SCCPDH: variants seen among roughly 807,000 people sequenced by gnomAD.
SCCPDH encodes the protein saccharopine dehydrogenase (putative).
SCCPDH carries 34 observed loss-of-function variants against 51.5 expected under a neutral mutation model. The observed-to-expected ratio is 0.66, with a 90% CI of 0.50 to 0.88. The LOEUF is 0.88. Ranked by LOEUF, SCCPDH falls within the 40% of genes least tolerant of loss-of-function variation. The pLI is 0.00. For synonymous variants in SCCPDH, 187 were observed against 191.3 expected, an observed-to-expected ratio of 0.98 and a Z score of 0.19; for missense variants, 464 against 527.1, an observed-to-expected ratio of 0.88 and a Z score of 1.17.
chr1:246,755,751 T>G (rs928644807), intron 5 of SCCPDH: 1 of 153,106 alleles, frequency 6.5e-6, no homozygotes, highest in Admixed American at 6.5e-5. Flanking sequence ...ACCTTCAGTT[T>G]TAAGAAGAGC....
intron 2 of SCCPDH, among the ~76,000 whole-genome samples, chr1:246,730,797 G>A (rs1668480577): frequency 6.6e-6 from 1 of 152,218 alleles, no homozygotes. Flanking sequence ...GGTGGGTCAT[G>A]CCTGGAATCC....
chr1:246,764,235 C>T lies in SCCPDH; in HGVS notation c.991-11C>T, dbSNP rs1159231061. The T allele has an allele frequency of 2.5e-6, 4 of 1,584,268 alleles. No homozygotes were observed. Among genetic ancestry groups the T allele is most frequent in the East Asian group, 2.2e-5 (1 of 44,706 alleles). ...ATTTATGAAATGCGCCCTTTGCCTTCTCCTTCACAGATTGATGCTGCCTCA... is the reference window on the plus strand; with the variant it reads ...ATTTATGAAATGCGCCCTTTGCCTTTTCCTTCACAGATTGATGCTGCCTCA... On this transcript the variant is annotated splice_polypyrimidine_tract_variant and intron_variant, in intron 9 of 11. Transcript: ENST00000366510.
At position 246,742,829 on chromosome 1, in the gene SCCPDH, A is replaced by G. The variant is rs185384444; in HGVS notation, c.515-1247A>G. On this transcript the variant is annotated intron_variant, in intron 4 of 11. Transcript: ENST00000366510. ...CCCATTATATTTTTCTTTTGCCTCA[A>G]TGTTCTTGAGAAACTCAATAATTAA... is the stretch of plus-strand genomic sequence containing the variant. 5.9e-5 allele frequency among the ~76,000 whole-genome samples: 9 copies of G among 152,300 alleles called. No individual in the cohort carries two copies. The East Asian group carries it at 9.6e-4, about 16-fold the overall frequency.
chr1:246,758,454 A>T, intron 6 of SCCPDH, 98 bp downstream of exon 6: 1 of 813,098 alleles, frequency 1.2e-6, no homozygotes, highest in Non-Finnish European at 1.8e-6. Context: ...AAGCTTGGAG[A>T]CTAATTTGTA....
Position 246,750,857 on chromosome 1 carries a change from C to T in SCCPDH, c.564+6732C>T, listed in dbSNP as rs139214615. On this transcript the variant is annotated intron_variant, in intron 5 of 11. Coordinates refer to ENST00000366510, the MANE Select transcript of SCCPDH (RefSeq NM_016002.3). ...TGGCCTTAAGCCTGGACTCCTTCCCCCAAGGGGTAATCTTTTTATAGTTTG... is the reference window on the plus strand; with the variant it reads ...TGGCCTTAAGCCTGGACTCCTTCCCTCAAGGGGTAATCTTTTTATAGTTTG... 5.1e-3 allele frequency among the ~76,000 whole-genome samples: 782 copies of T among 152,314 alleles called. 6 individuals are homozygous for T. Among genetic ancestry groups the T allele is most frequent in the African/African-American group, 0.018 (737 of 41,564 alleles).
In SCCPDH at chr1:246,757,309, A is replaced by T. The variant is rs577850705; in HGVS notation, c.565-917A>T. 9.0e-5 allele frequency among the ~76,000 whole-genome samples: 12 copies of T among 133,270 alleles called. No homozygotes were observed. The East Asian group carries it at 2.7e-3, about 30-fold the overall frequency. The allele number at this position is 133,270 out of a possible 152,430, so 87.4% of individuals were successfully genotyped here. A position where few individuals can be genotyped will look rare whatever the true frequency, so the allele number is the denominator to read the frequency against. The stretch of plus-strand genomic sequence containing the variant: ...CAGTGAGCTGAGATCGTGCCATTGC[A>T]CTCCCGTCTGGGTGACAAGAGCAAG... On this transcript the variant is annotated intron_variant, in intron 5 of 11. Coordinates refer to ENST00000366510, the MANE Select transcript of SCCPDH (RefSeq NM_016002.3).
At chr1:246,740,359 GT>G in intron 4 of SCCPDH, 58 bp downstream of exon 4, 1 of 1,404,650 alleles carries the variant, frequency 7.1e-7, no homozygotes, top group Admixed American at 2.2e-5. Flanking sequence ...AAGGCTTCAT[GT>G]TTCTAACTGT....
At position 246,724,610 on chromosome 1, in the gene SCCPDH, T is replaced by C; in HGVS notation, c.188T>C (p.Leu63Pro). 1.3e-6 allele frequency: 2 copies of C among 1,492,292 alleles called. No homozygotes were observed. Among genetic ancestry groups the C allele is most frequent in the Non-Finnish European group, 8.9e-7 (1 of 1,126,322 alleles). 92.4% of individuals were successfully genotyped at this position (1,492,292 alleles called of 1,614,324 possible). A position where few individuals can be genotyped will look rare whatever the true frequency, so the allele number is the denominator to read the frequency against. Reference sequence around the variant, plus strand: ...GTGCTGGAGAAGGCGGCCCTGAAGCTGGGTACAGCGGCGGGGCGGGACGGG... The same window carrying C: ...GTGCTGGAGAAGGCGGCCCTGAAGCCGGGTACAGCGGCGGGGCGGGACGGG... ...QRVLEKAALK[L>P]GRPTLSSEVG... The change falls in exon 1 of 12, where the codon CTG (leucine) becomes CCG (proline). Residue 63 changes from leucine to proline, a missense_variant and splice_region_variant. Physicochemically the swap from Leu to Pro is moderately conservative, Grantham distance 98. Coordinates refer to ENST00000366510, the MANE Select transcript of SCCPDH (RefSeq NM_016002.3).
chr1:246,736,504 A>G (rs943496436), intron 3 of SCCPDH, among the ~76,000 whole-genome samples: 1 of 152,086 alleles, frequency 6.6e-6, no homozygotes, highest in Admixed American at 6.5e-5. Flanking sequence ...GATCGAGACC[A>G]TCCTGGCCAA....
chr1:246,724,494 C>G lies in SCCPDH; in HGVS notation c.72C>G (p.Thr24=). ...CTGGCTTCACCGGCCAGTTCGTGAC[C>G]GAGGAGGTGGCCCGGGAGCAGGTGG... ...GASGFTGQFV[T]EEVAREQVDP... is the part of the protein sequence containing the mutation. Residue 24 remains threonine (T), a synonymous_variant, in exon 1 of 12, where the codon ACC becomes ACG. Transcript: ENST00000366510. 4 of 1,581,416 alleles carry G rather than the reference C, an allele frequency of 2.5e-6. No homozygotes were observed. The highest frequency in any genetic ancestry group is 3.4e-6 in the Non-Finnish European group (4 of 1,167,112).
intron 2 of SCCPDH, among the ~76,000 whole-genome samples, chr1:246,730,645 A>G (rs1668478886): frequency 6.6e-6 from 1 of 152,232 alleles, no homozygotes; most frequent in Non-Finnish European, 1.5e-5. Context: ...CGTTAACGGA[A>G]CGTCATGTTT....
intron 1 of SCCPDH, among the ~76,000 whole-genome samples, chr1:246,725,041 T>G (rs985686879): frequency 5.3e-5 from 8 of 152,166 alleles, no homozygotes; most frequent in Non-Finnish European, 8.8e-5. Context: ...GATCGGAGTC[T>G]CCCTTTGCCT....
At chr1:246,730,224 A>G (rs1558166223) in intron 2 of SCCPDH, among the ~76,000 whole-genome samples, 1 of 152,250 alleles carries the variant, frequency 6.6e-6, no homozygotes, top group African/African-American at 2.4e-5. Context: ...CTACTCTGCT[A>G]AAGTCCCACC....
intron 5 of SCCPDH, among the ~76,000 whole-genome samples, chr1:246,750,931 C>T (rs919169748): frequency 6.6e-6 from 1 of 152,140 alleles, no homozygotes; most frequent in Non-Finnish European, 1.5e-5. Flanking sequence ...CCCGTTTGGC[C>T]GGGGTATAAA....
intron 5 of SCCPDH, among the ~76,000 whole-genome samples, chr1:246,751,955 A>G (rs1452796532): frequency 7.2e-6 from 1 of 139,350 alleles, no homozygotes; most frequent in Non-Finnish European, 1.6e-5. Context: ...TTTTTTTTGT[A>G]TTTTTTTAGT....
chr1:246,726,309 C>T (rs1253657035), intron 1 of SCCPDH, among the ~76,000 whole-genome samples: 1 of 152,078 alleles, frequency 6.6e-6, no homozygotes, highest in African/African-American at 2.4e-5. Context: ...GTGATCACAG[C>T]TCACTGCAGC....
At chr1:246,738,522 C>A (rs191135251) in intron 3 of SCCPDH, among the ~76,000 whole-genome samples, 11 of 148,570 alleles carry the variant, frequency 7.4e-5, no homozygotes, top group Non-Finnish European at 1.5e-4. Context: ...AAAAAAAAAA[C>A]CCAGAGTATT....
chr1:246,767,351 C>G lies in SCCPDH; in HGVS notation c.*51C>G, dbSNP rs751974788. ...TAACGTGCGTGAATTAACAGCTTCT[C>G]TATTTGATATTTGAAATTCTTCTGT... On this transcript the variant is annotated 3_prime_UTR_variant, in exon 12 of 12. Transcript: ENST00000366510. The G allele has an allele frequency of 7.5e-6, 8 of 1,060,384 alleles. No homozygotes were observed. The highest frequency in any genetic ancestry group is 1.6e-5 in the African/African-American group (1 of 61,238). The allele number at this position is 1,060,384 out of a possible 1,614,324, so 65.7% of individuals were successfully genotyped here.
In SCCPDH at chr1:246,760,080, A is replaced by G; in HGVS notation, c.933+4A>G. 6.2e-7 allele frequency: 1 copy of G among 1,607,774 alleles called. No individual in the cohort carries two copies. The highest frequency in any genetic ancestry group is 8.5e-7 in the Non-Finnish European group (1 of 1,177,506). Reference sequence around the variant, plus strand: ...TGGAAGGCAACTTCTCATAAAAGTAAGTAAGATTTTATGAAATTAGATTAT... The same window carrying G: ...TGGAAGGCAACTTCTCATAAAAGTAGGTAAGATTTTATGAAATTAGATTAT... On this transcript the variant is annotated splice_donor_region_variant and intron_variant, in intron 8 of 11. Transcript: ENST00000366510.
Sources: allele counts gnomAD v4.1 joint callset (sites outside exome capture counted in the v4.1 genomes callset), GRCh38; gene constraint gnomAD v4.1.1; transcripts MANE v1.5; gene names NCBI Gene and HGNC (gene_info 2026-07-23, HGNC 2026-07-21).